Variants in RIPOR2 observed in about 807,000 individuals in gnomAD.
RIPOR2 encodes the protein RHO family interacting cell polarization regulator 2, also known as rho family-interacting cell polarization regulator 2.
Under a neutral mutation model 114.5 loss-of-function variants are expected in RIPOR2, and 39 were observed. That is an observed-to-expected ratio of 0.34 (90% confidence interval 0.26 to 0.44). RIPOR2 has a LOEUF of 0.44. Ranked by LOEUF, RIPOR2 falls within the 20% of genes least tolerant of loss-of-function variation. RIPOR2 has a pLI of 1.00. For synonymous variants in RIPOR2, 445 were observed against 484.4 expected (o/e 0.92, Z 1.07); for missense variants, 1,007 against 1,255.1 (o/e 0.80, Z 2.99).
intron 7 of RIPOR2, among the ~76,000 whole-genome samples, chr6:24,864,672 C>G (rs1764404985): frequency 6.6e-6 from 1 of 152,120 alleles, no homozygotes; most frequent in Admixed American, 6.5e-5. Context: ...GAGTGAAGAC[C>G]TCTCTATGTC....
At chr6:25,031,698 G>GT (rs1381558592) in intron 1 of RIPOR2, among the ~76,000 whole-genome samples, 3 of 48,020 alleles carry the variant, frequency 6.2e-5, no homozygotes, top group African/African-American at 2.2e-4. Flanking sequence ...GTAGGTGGTA[G>GT]TTATATATAT....
At chr6:25,007,378 A>C (rs540344116) in intron 1 of RIPOR2, among the ~76,000 whole-genome samples, 4 of 152,088 alleles carry the variant, frequency 2.6e-5, no homozygotes, top group Non-Finnish European at 4.4e-5. Context: ...TCATTTTCAC[A>C]TTCTCATCAC....
chr6:24,825,647 A>G (rs113771654), intron 18 of RIPOR2, among the ~76,000 whole-genome samples: 1 of 152,358 alleles, frequency 6.6e-6, no homozygotes, highest in African/African-American at 2.4e-5. Flanking sequence ...CACATGGGAA[A>G]AAGTGAAGGT....
intron 1 of RIPOR2, among the ~76,000 whole-genome samples, chr6:24,923,303 G>C (rs952599304): frequency 5.3e-5 from 8 of 152,070 alleles, no homozygotes; most frequent in African/African-American, 1.9e-4. Context: ...CCACCTTTTG[G>C]CTATTGTGAA....
intron 21 of RIPOR2, among the ~76,000 whole-genome samples, chr6:24,808,581 T>C (rs1210341375): frequency 2.6e-5 from 4 of 152,076 alleles, no homozygotes; most frequent in Non-Finnish European, 5.9e-5. Context: ...TTCACAGTGA[T>C]TATAAATGCC....
At chr6:25,012,067 T>C (rs1182776066) in intron 1 of RIPOR2, among the ~76,000 whole-genome samples, 5 of 152,118 alleles carry the variant, frequency 3.3e-5, no homozygotes, top group Admixed American at 2.0e-4. Flanking sequence ...TTAAAATGGG[T>C]AAACAGTTTG....
chr6:24,807,792 G>T (rs2113615544), intron 21 of RIPOR2, among the ~76,000 whole-genome samples: 1 of 152,294 alleles, frequency 6.6e-6, no homozygotes, highest in South Asian at 2.1e-4. Context: ...TTGGTAAATA[G>T]TTGCAGCCCT....
chr6:24,823,012 A>G (rs1401106340), intron 19 of RIPOR2, among the ~76,000 whole-genome samples: 1 of 152,250 alleles, frequency 6.6e-6, no homozygotes, highest in African/African-American at 2.4e-5. Context: ...TGGATAATTA[A>G]AGAAGCAACC....
rs1382184166 is a variant in RIPOR2 at position 24,840,026 on chromosome 6, T to C, written c.1858-754A>G. 4 of 856,168 alleles carry C rather than the reference T, an allele frequency of 4.7e-6. No individual in the cohort carries two copies. The East Asian group carries it at 5.1e-4, about 110-fold the overall frequency. 53.0% of individuals were successfully genotyped at this position (856,168 alleles called of 1,614,324 possible). A position where few individuals can be genotyped will look rare whatever the true frequency, so the allele number is the denominator to read the frequency against. On this transcript the variant is annotated intron_variant, in intron 13 of 21. Coordinates refer to ENST00000643898, the MANE Select transcript of RIPOR2 (RefSeq NM_001286445.3). ...GTGCAGTGGTGTGATCACAGCTCAC[T>C]GCAGCCTCAATCTCCCGGGCTTAAG...
chr6:24,849,554 T>C (rs181011177), intron 11 of RIPOR2, among the ~76,000 whole-genome samples: 9 of 152,250 alleles, frequency 5.9e-5, no homozygotes, highest in Admixed American at 5.9e-4. Context: ...AAATAGGAAG[T>C]AGAAGAGGAG....
rs1001670454 is a variant in RIPOR2 at position 24,884,301 on chromosome 6, C to G, written c.62-8484G>C. ...GTGGGTGCCTGTAGTCCCAGCTACT[C>G]GGGAGGCTGAGGCAGGAGAATGGCG... On this transcript the variant is annotated intron_variant, in intron 1 of 21. Coordinates refer to ENST00000643898, the MANE Select transcript of RIPOR2 (RefSeq NM_001286445.3). Among the ~76,000 whole-genome samples the G allele has an allele frequency of 2.0e-5, 3 of 151,654 alleles. No individual in the cohort carries two copies. In the East Asian group the frequency reaches 5.8e-4, roughly 29 times the overall value.
intron 21 of RIPOR2, 125 bp downstream of exon 21, chr6:24,809,592 C>A: frequency 1.5e-6 from 1 of 671,192 alleles, no homozygotes; most frequent in South Asian, 1.8e-5. Context: ...CAGCCTACAG[C>A]GGGGAAACTG....
chr6:24,827,111 T>C (rs886653158), intron 18 of RIPOR2, among the ~76,000 whole-genome samples: 4 of 152,130 alleles, frequency 2.6e-5, no homozygotes, highest in Admixed American at 2.6e-4. Flanking sequence ...TGGATTTAGA[T>C]TGGGACAAAT....
chr6:24,933,036 C>T (rs1771523616), intron 1 of RIPOR2, among the ~76,000 whole-genome samples: 2 of 152,136 alleles, frequency 1.3e-5, no homozygotes, highest in African/African-American at 4.8e-5. Flanking sequence ...CCAAGATCCT[C>T]CAGCTATACC....
At chr6:25,020,240 T>C (rs895064104) in intron 1 of RIPOR2, among the ~76,000 whole-genome samples, 4 of 152,234 alleles carry the variant, frequency 2.6e-5, no homozygotes, top group African/African-American at 9.6e-5. Context: ...GAATGTCTCC[T>C]TATGTGTTAG....
At chr6:25,019,774 C>CAAAAAAAAAAAAAAA (rs34107737) in intron 1 of RIPOR2, among the ~76,000 whole-genome samples, 3 of 53,114 alleles carry the variant, frequency 5.6e-5, no homozygotes, top group African/African-American at 2.6e-4. Context: ...GACTCTGTCT[C>CAAAAAAAAAAAAAAA]AAAAAAAAAA....
chr6:25,031,538 T>C (rs1456205051), intron 1 of RIPOR2, among the ~76,000 whole-genome samples: 1 of 149,428 alleles, frequency 6.7e-6, no homozygotes, highest in Non-Finnish European at 1.5e-5. Context: ...TTTTTTAAAC[T>C]ATGAACAAAG....
At chr6:24,936,175 A>T, upstream of RIPOR2, 1 of 317,436 alleles carries the variant, frequency 3.2e-6, no homozygotes, top group Non-Finnish European at 5.8e-6. Context: ...ATATCACTCA[A>T]AGTCTGAATG....
At chr6:24,927,764 A>G (rs1771068193) in intron 1 of RIPOR2, among the ~76,000 whole-genome samples, 1 of 152,220 alleles carries the variant, frequency 6.6e-6, no homozygotes, top group Non-Finnish European at 1.5e-5. Context: ...GAATCTTCTC[A>G]GGGGTTAGGT....
Sources: allele counts gnomAD v4.1 joint callset (sites outside exome capture counted in the v4.1 genomes callset), GRCh38; gene constraint gnomAD v4.1.1; transcripts MANE v1.5; gene names NCBI Gene and HGNC (gene_info 2026-07-23, HGNC 2026-07-21).